The following ARHGAP42 variants were observed in gnomAD, a reference collection of about 807,000 sequenced individuals.
ARHGAP42 encodes the protein rho GTPase-activating protein 42.
In ARHGAP42, 63 loss-of-function variants were observed where a neutral mutation model predicts 125.0. That is an observed-to-expected ratio of 0.50 (90% CI 0.41 to 0.62). ARHGAP42 has a LOEUF of 0.62. Ranked by LOEUF, ARHGAP42 falls within the 20% of genes least tolerant of loss-of-function variation. ARHGAP42 has a pLI of 0.00. For missense variants in ARHGAP42, 766 were observed against 1,024.2 expected, an observed-to-expected ratio of 0.75 and a Z score of 3.44; for synonymous variants, 339 against 351.0, an observed-to-expected ratio of 0.97 and a Z score of 0.38.
chr11:100,724,772 AT>A (rs200321896), intron 1 of ARHGAP42, among the ~76,000 whole-genome samples: 2 of 147,578 alleles, frequency 1.4e-5, no homozygotes, highest in Admixed American at 6.7e-5. Flanking sequence ...GGTTTCATTG[AT>A]TTTTTTTTCC....
At chr11:100,929,157 T>C (rs1034495321) in intron 6 of ARHGAP42, among the ~76,000 whole-genome samples, 1 of 152,178 alleles carries the variant, frequency 6.6e-6, no homozygotes, top group East Asian at 1.9e-4. Flanking sequence ...AGGATGAACC[T>C]GTTCCACTTC....
At chr11:100,969,145 G>T (rs658497) in intron 17 of ARHGAP42, among the ~76,000 whole-genome samples, 3 of 151,798 alleles carry the variant, frequency 2.0e-5, no homozygotes, top group Non-Finnish European at 4.4e-5. Context: ...TTCTTAGTTG[G>T]CAGACTTTTT....
chr11:100,904,359 G>C (rs1591283683), intron 4 of ARHGAP42, among the ~76,000 whole-genome samples: 1 of 151,000 alleles, frequency 6.6e-6, no homozygotes, highest in African/African-American at 2.4e-5. Flanking sequence ...CGATTCTCCT[G>C]TCTCAGCATC....
intron 4 of ARHGAP42, among the ~76,000 whole-genome samples, chr11:100,875,560 C>T (rs926350418): frequency 6.6e-6 from 1 of 152,150 alleles, no homozygotes; most frequent in African/African-American, 2.4e-5. Flanking sequence ...CAGCCCTCAG[C>T]CACTCTCGGC....
intron 3 of ARHGAP42, among the ~76,000 whole-genome samples, chr11:100,837,218 A>G (rs567604980): frequency 1.3e-5 from 2 of 152,272 alleles, no homozygotes; most frequent in Admixed American, 1.3e-4. Context: ...TGTATTTTCT[A>G]AGACACAGAT....
chr11:100,928,102 G>A (rs1021246186), intron 6 of ARHGAP42, among the ~76,000 whole-genome samples: 1 of 152,092 alleles, frequency 6.6e-6, no homozygotes, highest in Non-Finnish European at 1.5e-5. Context: ...TCCAGGCAGG[G>A]AATTGCAAAG....
chr11:100,808,901 A>G lies in ARHGAP42; in HGVS notation c.312+13735A>G, dbSNP rs185902103. ...TCAGGATTCATAATTTGAAAAGCCT[A>G]ACTCTTAGGGGTTCTTATCAAGATG... On this transcript the variant is annotated intron_variant, in intron 3 of 23. Coordinates refer to ENST00000298815, the MANE Select transcript of ARHGAP42 (RefSeq NM_152432.4). 1.8e-4 allele frequency among the ~76,000 whole-genome samples: 27 copies of G among 152,264 alleles called. No individual in the cohort carries two copies. In the East Asian group the frequency reaches 5.0e-3, roughly 28 times the overall value.
At chr11:100,865,795 C>A (rs962193419) in intron 4 of ARHGAP42, among the ~76,000 whole-genome samples, 15 of 152,152 alleles carry the variant, frequency 9.9e-5, no homozygotes, top group Admixed American at 5.9e-4. Context: ...ATTATCTGAG[C>A]CTTTAGTGAG....
At chr11:100,843,586 A>G (rs1037649713) in intron 3 of ARHGAP42, among the ~76,000 whole-genome samples, 6 of 152,158 alleles carry the variant, frequency 3.9e-5, no homozygotes, top group African/African-American at 1.4e-4. Flanking sequence ...CCTAGAACTG[A>G]TAAAAGAATT....
chr11:100,937,314 G>A (rs908319940), intron 8 of ARHGAP42, among the ~76,000 whole-genome samples: 10 of 152,032 alleles, frequency 6.6e-5, no homozygotes, highest in South Asian at 2.1e-4. Context: ...TATAGTTAGC[G>A]CATAATAAGT....
At chr11:100,803,091 G>A (rs761536417) in intron 3 of ARHGAP42, among the ~76,000 whole-genome samples, 1 of 152,066 alleles carries the variant, frequency 6.6e-6, no homozygotes, top group Non-Finnish European at 1.5e-5. Context: ...AGCTGGTGGG[G>A]GATGTTGCTG....
At chr11:100,725,867 G>C (rs897852289) in intron 1 of ARHGAP42, among the ~76,000 whole-genome samples, 1 of 150,424 alleles carries the variant, frequency 6.6e-6, no homozygotes, top group African/African-American at 2.4e-5. Context: ...CCCGGGAGGC[G>C]GAGCTTGCAA....
intron 21 of ARHGAP42, among the ~76,000 whole-genome samples, chr11:100,978,006 C>T (rs1858435232): frequency 2.6e-5 from 4 of 152,170 alleles, no homozygotes; most frequent in Non-Finnish European, 5.9e-5. Context: ...TACCTTATCT[C>T]TTTTGGTTAG....
intron 16 of ARHGAP42, among the ~76,000 whole-genome samples, chr11:100,962,832 C>T (rs1293045059): frequency 3.3e-5 from 5 of 151,838 alleles, no homozygotes; most frequent in African/African-American, 7.3e-5. Context: ...GTCGAGATCG[C>T]GCCATTGCAC....
At chr11:100,870,576 G>T (rs1473644219) in intron 4 of ARHGAP42, among the ~76,000 whole-genome samples, 1 of 152,172 alleles carries the variant, frequency 6.6e-6, no homozygotes, top group Non-Finnish European at 1.5e-5. Flanking sequence ...CCTTGAAATG[G>T]TTTAGAAGCT....
rs546214925 is a variant in ARHGAP42 at position 100,845,365 on chromosome 11, G to A, written c.313-14189G>A. ...GACTCAGAGGGAAAGGGTGGGAAGG[G>A]GGTGAGGGGTAAAAGACTACAAACT... On this transcript the variant is annotated intron_variant, in intron 3 of 23. Coordinates refer to ENST00000298815, the MANE Select transcript of ARHGAP42 (RefSeq NM_152432.4). Among the ~76,000 whole-genome samples, 5 of 152,158 alleles carry A rather than the reference G, an allele frequency of 3.3e-5. No homozygotes were observed. The South Asian group carries it at 1.0e-3, about 32-fold the overall frequency.
At chr11:100,820,863 A>G (rs942378434) in intron 3 of ARHGAP42, among the ~76,000 whole-genome samples, 1 of 152,138 alleles carries the variant, frequency 6.6e-6, no homozygotes, top group African/African-American at 2.4e-5. Context: ...TATGATTTCT[A>G]GTAATAACAT....
intron 3 of ARHGAP42, among the ~76,000 whole-genome samples, chr11:100,847,351 C>T (rs933788109): frequency 6.6e-5 from 10 of 152,140 alleles, no homozygotes; most frequent in African/African-American, 2.4e-4. Context: ...TAAGTTAGGA[C>T]TGTCAAATGC....
At chr11:100,913,205 C>T (rs1591290467) in intron 4 of ARHGAP42, among the ~76,000 whole-genome samples, 1 of 152,292 alleles carries the variant, frequency 6.6e-6, no homozygotes, top group East Asian at 1.9e-4. Context: ...GGAGATGTGA[C>T]TTGCCCTGTT....
Sources: allele counts gnomAD v4.1 joint callset (sites outside exome capture counted in the v4.1 genomes callset), GRCh38; gene constraint gnomAD v4.1.1; transcripts MANE v1.5; gene names NCBI Gene and HGNC (gene_info 2026-07-23, HGNC 2026-07-21).